RBFOX3: variants seen among roughly 807,000 people sequenced by gnomAD.
RBFOX3 encodes the protein RNA binding protein fox-1 homolog 3.
RBFOX3 carries 17 observed loss-of-function variants against 48.7 expected under a neutral mutation model. The observed-to-expected ratio is 0.35, with a 90% CI of 0.24 to 0.52. The LOEUF is 0.52. RBFOX3 is among the 20% of genes least tolerant of loss of function. The pLI is 0.94. For synonymous variants in RBFOX3, 212 were observed against 209.5 expected (o/e 1.01, Z -0.10); for missense variants, 382 against 497.5 (o/e 0.77, Z 2.21).
chr17:79,319,098 A>G (rs2078014149), intron 2 of RBFOX3, among the ~76,000 whole-genome samples: 2 of 152,116 alleles, frequency 1.3e-5, no homozygotes, highest in Admixed American at 6.5e-5. Context: ...GGAAGCCAGC[A>G]CCGGATGTGG....
At chr17:79,257,322 T>A (rs529805176) in intron 3 of RBFOX3, among the ~76,000 whole-genome samples, 1 of 152,326 alleles carries the variant, frequency 6.6e-6, no homozygotes, top group East Asian at 1.9e-4. Flanking sequence ...GAGTTTTCAG[T>A]TCATGCTTTG....
chr17:79,333,479 G>A (rs1279157806), intron 2 of RBFOX3, among the ~76,000 whole-genome samples: 1 of 152,190 alleles, frequency 6.6e-6, no homozygotes, highest in African/African-American at 2.4e-5. Context: ...ACCGAGTACA[G>A]TATAAAGAGA....
chr17:79,222,509 G>T (rs796351003), intron 4 of RBFOX3, among the ~76,000 whole-genome samples: 47 of 152,328 alleles, frequency 3.1e-4, no homozygotes, highest in Middle Eastern at 3.4e-3. Context: ...GTTGGCACAA[G>T]CCCCTGCACC....
intron 4 of RBFOX3, among the ~76,000 whole-genome samples, chr17:79,215,743 G>A (rs2058955567): frequency 6.6e-6 from 1 of 152,278 alleles, no homozygotes; most frequent in South Asian, 2.1e-4. Context: ...TGGCTCTGCT[G>A]TAGGCAGCCA....
At position 79,480,403 on chromosome 17, in the gene RBFOX3, C is replaced by CA. The variant is rs2078609369; in HGVS notation, c.-175+2050dup. On this transcript the variant is annotated intron_variant, in intron 2 of 14. Transcript: ENST00000693108. The surrounding 1 kb of genome is among the most constrained non-coding windows in gnomAD (Gnocchi z 4.8). ...TCGCTCGTCAGCTGTCCCTTGCTTC[C>CA]ACTCTGTCCCCCTCACAGAAGGCAG... 6.6e-6 allele frequency among the ~76,000 whole-genome samples: 1 copy of CA among 152,162 alleles called. No homozygotes were observed. Among genetic ancestry groups the CA allele is most frequent in the African/African-American group, 2.4e-5 (1 of 41,422 alleles).
intron 2 of RBFOX3, among the ~76,000 whole-genome samples, chr17:79,354,150 T>C (rs1542396): frequency 0.69 from 105,109 of 152,100 alleles, 36,476 homozygotes; most frequent in South Asian, 0.83. Flanking sequence ...ATGGGTGAAC[T>C]ATACGGACAA....
At chr17:79,432,384 T>G (rs2068622906) in intron 2 of RBFOX3, among the ~76,000 whole-genome samples, 1 of 152,212 alleles carries the variant, frequency 6.6e-6, no homozygotes, top group African/African-American at 2.4e-5. Flanking sequence ...GAGCTTCACC[T>G]CTTGGGCCAG....
chr17:79,278,386 C>A (rs1177486461), intron 3 of RBFOX3, among the ~76,000 whole-genome samples: 1 of 152,230 alleles, frequency 6.6e-6, no homozygotes, highest in Non-Finnish European at 1.5e-5. Context: ...TGTCACCCTG[C>A]CTGATGGGGT....
At chr17:79,100,472 C>T (rs2076210193) in intron 9 of RBFOX3, 1 of 152,186 alleles carries the variant, frequency 6.6e-6, no homozygotes, top group Admixed American at 6.5e-5. Flanking sequence ...AGGCCAGAGG[C>T]CCGGCCCCAC....
At chr17:79,293,370 CTCCCTCCCCTCCCTTTCCTTTCCCT>C (rs1418722716) in intron 3 of RBFOX3, among the ~76,000 whole-genome samples, 59 of 135,676 alleles carry the variant, frequency 4.3e-4, no homozygotes, top group African/African-American at 1.4e-3. Context: ...TCCCCTCCCC[CTCCCTCCCCTCCCTTTCCTTTCCCT>C]TCCCTCCCCT....
intron 4 of RBFOX3, among the ~76,000 whole-genome samples, chr17:79,125,815 C>T (rs62064683): frequency 0.031 from 4,664 of 152,324 alleles, 117 homozygotes; most frequent in African/African-American, 0.059. Flanking sequence ...TCTCCAGCAC[C>T]TCTGGGCAAA....
Position 79,103,781 on chromosome 17 carries a change from C to T in RBFOX3, c.414+292G>A, listed in dbSNP as rs1385738089. 6.6e-6 allele frequency among the ~76,000 whole-genome samples: 1 copy of T among 152,124 alleles called. No individual in the cohort carries two copies. Among genetic ancestry groups the T allele is most frequent in the Non-Finnish European group, 1.5e-5 (1 of 68,016 alleles). On this transcript the variant is annotated intron_variant, in intron 7 of 14. Coordinates refer to ENST00000693108, the MANE Select transcript of RBFOX3 (RefSeq NM_001350451.2). The surrounding 1 kb of genome is among the most constrained non-coding windows in gnomAD (Gnocchi z 6.1). ...CCTCAAGCTTCAAGGCCAGTGGTCC[C>T]CTGGGGTAAGTGTTCAGTGGGGGTG...
At chr17:79,269,739 T>C (rs1312571542) in intron 3 of RBFOX3, among the ~76,000 whole-genome samples, 1 of 150,634 alleles carries the variant, frequency 6.6e-6, no homozygotes, top group South Asian at 2.1e-4. Context: ...CACTGTCCTC[T>C]CTCCAGTGTC....
intron 2 of RBFOX3, among the ~76,000 whole-genome samples, chr17:79,442,368 A>G (rs1230220627): frequency 1.3e-4 from 2 of 15,668 alleles, no homozygotes; most frequent in Non-Finnish European, 2.9e-4. Flanking sequence ...GGGGGGAGAG[A>G]GAGAGAGAGA....
At chr17:79,635,650 G>A in the RBFOX3 span, among the ~76,000 whole-genome samples, 1,051 of 152,172 alleles carry the variant, frequency 6.9e-3, 5 homozygotes, top group Non-Finnish European at 0.011. Flanking sequence ...TATAAACAAA[G>A]TTAAAAGAAA....
chr17:79,260,075 G>A (rs543093138), intron 3 of RBFOX3, among the ~76,000 whole-genome samples: 25 of 152,038 alleles, frequency 1.6e-4, no homozygotes, highest in African/African-American at 6.0e-4. Context: ...GACAGGTAGA[G>A]TGCTGTCTGC....
chr17:79,151,217 G>C (rs2144813099), intron 4 of RBFOX3, among the ~76,000 whole-genome samples: 1 of 151,972 alleles, frequency 6.6e-6, no homozygotes, highest in Non-Finnish European at 1.5e-5. Context: ...GCCCTGGGAG[G>C]GCTGAGGGGA....
intron 1 of RBFOX3, among the ~76,000 whole-genome samples, chr17:79,548,980 C>T (rs2090849861): frequency 6.6e-6 from 1 of 152,224 alleles, no homozygotes; most frequent in Non-Finnish European, 1.5e-5. Context: ...TAATCTCATG[C>T]CTTCCTCTTC....
intron 2 of RBFOX3, among the ~76,000 whole-genome samples, chr17:79,440,102 C>T (rs1489073680): frequency 2.6e-5 from 4 of 152,176 alleles, no homozygotes; most frequent in Non-Finnish European, 5.9e-5. Context: ...ACATGGGCCA[C>T]CAGCGATAAC....
Sources: gnomAD v4.1 joint callset for allele counts (sites outside exome capture counted in the v4.1 genomes callset) on GRCh38, gnomAD v4.1.1 for gene constraint, Gnocchi (gnomAD v3.1) non-coding constraint, MANE v1.5 for transcripts, NCBI Gene and HGNC (gene_info 2026-07-23, HGNC 2026-07-21) for gene names.